Variants in SREK1 observed in about 807,000 individuals in gnomAD.
The protein encoded by SREK1 is splicing regulatory glutamine/lysine-rich protein 1.
In SREK1, 13 loss-of-function variants were observed where a neutral mutation model predicts 66.5. The ratio of observed to expected loss-of-function variants is 0.20; its 90% CI spans 0.13 to 0.31. The LOEUF (loss-of-function observed/expected upper bound fraction) is 0.31, where lower values mean the gene tolerates loss of function less well. Among genes scored for constraint, SREK1 ranks in the 10% least tolerant of loss-of-function variants. The probability of loss-of-function intolerance (pLI) is 1.00; values close to 1 mark genes in which losing one functional copy is unlikely to be tolerated. For missense variants in SREK1, 607 were observed against 769.6 expected, an observed-to-expected ratio of 0.79 and a Z score of 2.50; for synonymous variants, 265 against 263.5, an observed-to-expected ratio of 1.01 and a Z score of -0.05.
At chr5:66,157,718 G>T in intron 2 of SREK1, 1 of 948,812 alleles carries the variant, frequency 1.1e-6, no homozygotes, top group Non-Finnish European at 1.3e-6. Context: ...AAATAATAAA[G>T]ATAACTTTGT....
Position 66,177,533 on chromosome 5 carries a change from AAGAG to A in SREK1, c.1604_1607del (p.Arg535LysfsTer19). The A allele has an allele frequency of 2.5e-6, 4 of 1,597,732 alleles. No individual in the cohort carries two copies. Among genetic ancestry groups the A allele is most frequent in the Non-Finnish European group, 3.4e-6 (4 of 1,173,012 alleles). On this transcript the variant is annotated frameshift_variant, in exon 11 of 12. Coordinates refer to ENST00000334121, the MANE Select transcript of SREK1 (RefSeq NM_001077199.3). LOFTEE classifies it high-confidence loss of function. ...TTATAGCAGAAATAAGAAGGATAAA[AAGAG>A]AGAAAAAGAAAGGGACCACATCAGT... is the stretch of plus-strand genomic sequence containing the variant.
chr5:66,144,873 C>G, intron 1 of SREK1: 2 of 1,029,766 alleles, frequency 1.9e-6, no homozygotes, highest in Non-Finnish European at 2.3e-6. Flanking sequence ...CAGGTGGGCC[C>G]GGAACAGCCC....
Position 66,144,773 on chromosome 5 carries a change from C to A in SREK1, c.161+236C>A. 3 of 1,223,648 alleles carry A rather than the reference C, an allele frequency of 2.5e-6. No individual in the cohort carries two copies. The South Asian group carries it at 7.2e-5, about 29-fold the overall frequency. 75.8% of individuals were successfully genotyped at this position (1,223,648 alleles called of 1,614,324 possible). ...TTACCAAGGATTTAGAATGGTTGCC[C>A]TTTCTGTGCCTCCGGGACTTGTGTT... On this transcript the variant is annotated intron_variant, in intron 1 of 11. Coordinates refer to ENST00000334121, the MANE Select transcript of SREK1 (RefSeq NM_001077199.3).
At position 66,182,207 on chromosome 5, in the gene SREK1, T is replaced by C. The variant is rs771088399; in HGVS notation, c.*3339T>C. 5 of 152,216 alleles carry C rather than the reference T, an allele frequency of 3.3e-5. No individual in the cohort carries two copies. The highest frequency in any genetic ancestry group is 7.3e-5 in the Non-Finnish European group (5 of 68,032). The allele number at this position is 152,216 out of a possible 1,614,324, so 9.4% of individuals were successfully genotyped here. Reference sequence around the variant, plus strand: ...TTTCAGTGAATCATTTACGTTTTCATTGGAAGACAGTATCTGATTTCAACT... The same window carrying C: ...TTTCAGTGAATCATTTACGTTTTCACTGGAAGACAGTATCTGATTTCAACT... On this transcript the variant is annotated 3_prime_UTR_variant, in exon 12 of 12. Transcript: ENST00000334121.
chr5:66,159,431 T>A, intron 3 of SREK1, 97 bp downstream of exon 3: 6 of 211,708 alleles, frequency 2.8e-5, no homozygotes, highest in Non-Finnish European at 4.1e-5. Flanking sequence ...GATCTTCTTC[T>A]TTTTTTTTTT....
intron 1 of SREK1, among the ~76,000 whole-genome samples, chr5:66,150,271 A>G (rs1743673919): frequency 6.6e-6 from 1 of 152,238 alleles, no homozygotes; most frequent in African/African-American, 2.4e-5. Context: ...ATGTCTTGGT[A>G]GCACATGTAG....
intron 1 of SREK1, 76 bp downstream of exon 1, chr5:66,144,613 G>A (rs1742986679): frequency 6.8e-7 from 1 of 1,470,686 alleles, no homozygotes; most frequent in South Asian, 1.4e-5. Flanking sequence ...GGAGGAGAGC[G>A]CGGACGCGGG....
rs1746513130 is a variant in SREK1, at chr5:66,181,859, A to G, written c.*2991A>G. 7.0e-6 allele frequency: 1 copy of G among 143,686 alleles called. No homozygotes were observed. Among genetic ancestry groups the G allele is most frequent in the African/African-American group, 2.6e-5 (1 of 38,242 alleles). 8.9% of individuals were successfully genotyped at this position (143,686 alleles called of 1,614,324 possible). On this transcript the variant is annotated 3_prime_UTR_variant, in exon 12 of 12. Transcript: ENST00000334121. ...GGCTTAAATTTTGACCTGCTCAATT[A>G]AAAATAAACACTGGCGTTTATAATG...
intron 7 of SREK1, 156 bp downstream of exon 7, chr5:66,165,053 T>C: frequency 1.7e-6 from 1 of 595,012 alleles, no homozygotes; most frequent in African/African-American, 1.9e-5. Flanking sequence ...ATTGTAATAC[T>C]GTAGTTGAGA....
chr5:66,158,857 A>G, intron 2 of SREK1: 1 of 1,292,082 alleles, frequency 7.7e-7, no homozygotes, highest in Non-Finnish European at 1.0e-6. Context: ...ACTTTCGATC[A>G]CCGCGAAAAC....
chr5:66,152,121 G>A (rs889855757), intron 1 of SREK1, among the ~76,000 whole-genome samples: 2 of 152,070 alleles, frequency 1.3e-5, no homozygotes, highest in African/African-American at 4.8e-5. Flanking sequence ...CAGAGTGCTG[G>A]GATTACAGGC....
chr5:66,164,639 C>T, intron 6 of SREK1, 144 bp from the exon 7 acceptor site: 1 of 1,563,282 alleles, frequency 6.4e-7, no homozygotes, highest in Non-Finnish European at 8.6e-7. Flanking sequence ...TATGCAATGA[C>T]TTTCTTGGAT....
chr5:66,147,952 T>C (rs1018438696), intron 1 of SREK1, among the ~76,000 whole-genome samples: 9 of 152,084 alleles, frequency 5.9e-5, no homozygotes, highest in Non-Finnish European at 1.3e-4. Flanking sequence ...TTATTTATAG[T>C]AATATTTAGA....
intron 11 of SREK1, 88 bp downstream of exon 11, chr5:66,177,746 G>A: frequency 1.2e-5 from 14 of 1,146,402 alleles, no homozygotes; most frequent in South Asian, 2.1e-5. Context: ...TTGGGGAACA[G>A]TGTCTTGTAC....
chr5:66,170,499 T>G, intron 8 of SREK1, 86 bp from the exon 9 acceptor site: 1 of 1,440,704 alleles, frequency 6.9e-7, no homozygotes, highest in Non-Finnish European at 9.4e-7. Context: ...AATTGTCTTG[T>G]GTTGGTAATT....
At chr5:66,149,530 A>G (rs1404491186) in intron 1 of SREK1, among the ~76,000 whole-genome samples, 1 of 152,256 alleles carries the variant, frequency 6.6e-6, no homozygotes, top group Non-Finnish European at 1.5e-5. Context: ...AACCAGACTC[A>G]GAATTCCTAT....
At chr5:66,155,953 G>T in intron 2 of SREK1, 3 of 1,444,908 alleles carry the variant, frequency 2.1e-6, no homozygotes, top group Non-Finnish European at 2.8e-6. Context: ...CATAACAAGG[G>T]TGTCAGCCTA....
At chr5:66,150,045 G>A (rs27586) in intron 1 of SREK1, among the ~76,000 whole-genome samples, 48,131 of 152,050 alleles carry the variant, frequency 0.32, 8,944 homozygotes, top group African/African-American at 0.5. Flanking sequence ...CTTACAGCTT[G>A]CTGTAAGTCA....
chr5:66,165,286 T>G (rs966177264), intron 7 of SREK1: 4 of 162,618 alleles, frequency 2.5e-5, no homozygotes, highest in African/African-American at 9.6e-5. Context: ...CTTTTTTGTT[T>G]TGTTTTCCCA....
Sources: allele counts gnomAD v4.1 joint callset (sites outside exome capture counted in the v4.1 genomes callset), GRCh38; gene constraint gnomAD v4.1.1; transcripts MANE v1.5; gene names NCBI Gene and HGNC (gene_info 2026-07-23, HGNC 2026-07-21).